Variants in MAMDC2 observed in about 807,000 individuals in gnomAD.
MAMDC2 encodes the protein MAM domain containing 2.
In MAMDC2, 57 loss-of-function variants were observed where a neutral mutation model predicts 89.8. The observed-to-expected ratio is 0.63, with a 90% confidence interval of 0.51 to 0.79. The LOEUF (loss-of-function observed/expected upper bound fraction) is 0.79, where lower values mean the gene tolerates loss of function less well. Ranked by LOEUF, MAMDC2 falls within the 30% of genes least tolerant of loss-of-function variation. The pLI is 0.00. For synonymous variants in MAMDC2, 313 were observed against 293.4 expected (o/e 1.07, Z -0.68); for missense variants, 800 against 820.6 (o/e 0.97, Z 0.31).
intron 11 of MAMDC2, chr9:70,194,149 C>T (rs2032934421): frequency 6.6e-6 from 1 of 151,998 alleles, no homozygotes; most frequent in Non-Finnish European, 1.5e-5. Flanking sequence ...ATGGAAAGAC[C>T]AAACAATGAG....
intron 11 of MAMDC2, among the ~76,000 whole-genome samples, chr9:70,197,514 T>C (rs1304629676): frequency 2.0e-5 from 3 of 152,020 alleles, no homozygotes; most frequent in African/African-American, 7.2e-5. Context: ...AAACCAGCTG[T>C]GTGGGTATTA....
chr9:70,151,063 C>T lies in MAMDC2; in HGVS notation c.1404+7244C>T, dbSNP rs187921817. 3.9e-5 allele frequency among the ~76,000 whole-genome samples: 6 copies of T among 152,302 alleles called. No homozygotes were observed. The East Asian group carries it at 7.7e-4, about 20-fold the overall frequency. On this transcript the variant is annotated intron_variant, in intron 9 of 13. Coordinates refer to ENST00000377182, the MANE Select transcript of MAMDC2 (RefSeq NM_153267.5). ...TAGAGTCCCACAGTCCACATAGTTACGTGGGCCTTCTCTCTGTTCCTTGAG... is the reference window on the plus strand; with the variant it reads ...TAGAGTCCCACAGTCCACATAGTTATGTGGGCCTTCTCTCTGTTCCTTGAG...
chr9:70,126,015 C>T (rs1261380563), intron 5 of MAMDC2, 144 bp from the exon 6 acceptor site: 2 of 872,182 alleles, frequency 2.3e-6, no homozygotes, highest in South Asian at 3.5e-5. Flanking sequence ...CATGGCCAAA[C>T]CTCTGTCAGC....
chr9:70,186,513 C>T (rs980535999), intron 11 of MAMDC2, among the ~76,000 whole-genome samples: 5 of 152,156 alleles, frequency 3.3e-5, no homozygotes, highest in African/African-American at 1.2e-4. Flanking sequence ...ATTGAGAAGT[C>T]AGATGTCAGT....
chr9:70,134,718 T>G (rs2030941442), intron 7 of MAMDC2, among the ~76,000 whole-genome samples: 1 of 152,178 alleles, frequency 6.6e-6, no homozygotes, highest in African/African-American at 2.4e-5. Flanking sequence ...ACAGCTAAGG[T>G]TGCCCCAGCC....
chr9:70,065,579 CTT>C (rs34893537), intron 2 of MAMDC2, among the ~76,000 whole-genome samples: 24,415 of 141,294 alleles, frequency 0.17, 2,082 homozygotes, highest in African/African-American at 0.22. Flanking sequence ...ACCCCACGTC[CTT>C]TTTTTTTTTT....
At chr9:70,174,703 T>C (rs570020598) in intron 11 of MAMDC2, among the ~76,000 whole-genome samples, 76 of 146,866 alleles carry the variant, frequency 5.2e-4, no homozygotes, top group Admixed American at 2.1e-3. Context: ...GAGGACCTTG[T>C]AATTAATTAG....
chr9:70,184,347 T>A (rs990920826), intron 11 of MAMDC2, among the ~76,000 whole-genome samples: 2 of 152,138 alleles, frequency 1.3e-5, no homozygotes, highest in African/African-American at 4.8e-5. Flanking sequence ...GAGAATCTGA[T>A]GATTATGTGT....
intron 4 of MAMDC2, among the ~76,000 whole-genome samples, chr9:70,111,868 A>G (rs1306182696): frequency 6.6e-6 from 1 of 152,236 alleles, no homozygotes; most frequent in Non-Finnish European, 1.5e-5. Context: ...GTGATGATTC[A>G]GGAGCTGTTA....
chr9:70,118,274 T>C (rs1413394997), intron 5 of MAMDC2, among the ~76,000 whole-genome samples: 1 of 143,698 alleles, frequency 7.0e-6, no homozygotes, highest in Non-Finnish European at 1.5e-5. Flanking sequence ...ATTTTGTCCA[T>C]TCATTAGCCA....
At chr9:70,120,308 C>T (rs1271463202) in intron 5 of MAMDC2, among the ~76,000 whole-genome samples, 4 of 152,114 alleles carry the variant, frequency 2.6e-5, no homozygotes, top group African/African-American at 9.7e-5. Flanking sequence ...ACTCTGATTA[C>T]TTTCATCTCA....
intron 12 of MAMDC2, among the ~76,000 whole-genome samples, chr9:70,223,812 A>G (rs574628361): frequency 6.6e-6 from 1 of 152,348 alleles, no homozygotes; most frequent in East Asian, 1.9e-4. Context: ...GGTTAGTCTT[A>G]AAGTGCAAAG....
intron 2 of MAMDC2, among the ~76,000 whole-genome samples, chr9:70,046,297 TAC>T (rs147078114): frequency 6.6e-6 from 1 of 152,220 alleles, no homozygotes; most frequent in Middle Eastern, 3.4e-3. Context: ...ACAGTCTGTG[TAC>T]ACACACACAC....
intron 2 of MAMDC2, chr9:70,093,758 G>A (rs1306201102): frequency 6.6e-6 from 1 of 152,118 alleles, no homozygotes; most frequent in Non-Finnish European, 1.5e-5. Flanking sequence ...TCTATGTTTA[G>A]AAGGAATATC....
chr9:70,171,537 G>A (rs1027090918), intron 11 of MAMDC2, among the ~76,000 whole-genome samples: 7 of 152,062 alleles, frequency 4.6e-5, no homozygotes, highest in Non-Finnish European at 1.0e-4. Flanking sequence ...ACCTTCCATA[G>A]AATGGATCTT....
chr9:70,093,005 C>A (rs1587463048), intron 2 of MAMDC2, among the ~76,000 whole-genome samples: 1 of 152,144 alleles, frequency 6.6e-6, no homozygotes, highest in South Asian at 2.1e-4. Flanking sequence ...AAATGCAGAA[C>A]TTGAAATGTG....
chr9:70,081,084 T>C (rs1373319134), intron 2 of MAMDC2, among the ~76,000 whole-genome samples: 1 of 152,114 alleles, frequency 6.6e-6, no homozygotes, highest in African/African-American at 2.4e-5. Flanking sequence ...CTTTTTTTGT[T>C]TGATTTTTGA....
chr9:70,220,763 T>C (rs951169936), intron 12 of MAMDC2, among the ~76,000 whole-genome samples: 1 of 152,186 alleles, frequency 6.6e-6, no homozygotes, highest in Non-Finnish European at 1.5e-5. Flanking sequence ...ATAATCCTCA[T>C]TGGCCTGAAG....
chr9:70,224,287 G>A (rs2033612200), intron 12 of MAMDC2, among the ~76,000 whole-genome samples: 2 of 152,074 alleles, frequency 1.3e-5, no homozygotes, highest in South Asian at 4.2e-4. Flanking sequence ...TATAGAAATT[G>A]GCTCATATAA....
Sources: gnomAD v4.1 joint callset for allele counts (sites outside exome capture counted in the v4.1 genomes callset) on GRCh38, gnomAD v4.1.1 for gene constraint, MANE v1.5 for transcripts, NCBI Gene and HGNC (gene_info 2026-07-23, HGNC 2026-07-21) for gene names.